Variants in INTS15 observed in about 807,000 individuals in gnomAD.
INTS15 encodes integrator complex subunit 15, also known as uncharacterized protein C7orf26.
the INTS15 span, chr7:6,591,699 C>T: frequency 1.9e-6 from 3 of 1,614,168 alleles, no homozygotes; most frequent in Non-Finnish European, 2.5e-6. Flanking sequence ...GCAATTATTT[C>T]CAGGAGCAAA....
At chr7:6,599,227 G>A in the INTS15 span, among the ~76,000 whole-genome samples, 5 of 152,184 alleles carry the variant, frequency 3.3e-5, no homozygotes, top group Non-Finnish European at 7.3e-5. Flanking sequence ...CGGGCTCATA[G>A]GAAGCCCAGA....
chr7:6,606,531 C>G, the INTS15 span, among the ~76,000 whole-genome samples: 1 of 152,048 alleles, frequency 6.6e-6, no homozygotes, highest in Non-Finnish European at 1.5e-5. Context: ...CCAGTGCAGG[C>G]GCTGCAGACA....
chr7:6,599,939 C>T, the INTS15 span: 1 of 1,614,216 alleles, frequency 6.2e-7, no homozygotes. Flanking sequence ...GGCCAATCTG[C>T]CAATAGGATT....
At chr7:6,591,938 G>C in the INTS15 span, 1 of 1,399,840 alleles carries the variant, frequency 7.1e-7, no homozygotes, top group Non-Finnish European at 1.0e-6. Context: ...TTGGGAAGCT[G>C]AGGTGGGCGG....
the INTS15 span, among the ~76,000 whole-genome samples, chr7:6,598,670 C>T: frequency 3.5e-4 from 53 of 151,456 alleles, no homozygotes; most frequent in African/African-American, 1.3e-3. Context: ...CACCAAGCCC[C>T]GCATGCACAG....
the INTS15 span, among the ~76,000 whole-genome samples, chr7:6,605,610 C>T: frequency 3.9e-5 from 6 of 152,176 alleles, no homozygotes; most frequent in Middle Eastern, 3.2e-3. Context: ...CCTCTCCTGA[C>T]GCAGATTTGG....
chr7:6,590,296 C>G, the INTS15 span: 2 of 1,571,322 alleles, frequency 1.3e-6, no homozygotes, highest in African/African-American at 2.8e-5. Flanking sequence ...GAGCGACATC[C>G]GCCACTCGCT....
chr7:6,608,049 C>G, the INTS15 span: 6 of 1,599,186 alleles, frequency 3.8e-6, no homozygotes, highest in African/African-American at 1.3e-5. Flanking sequence ...CACACGCCCC[C>G]GCTGGGCTAC....
the INTS15 span, chr7:6,607,989 T>C: frequency 1.9e-6 from 3 of 1,600,230 alleles, 1 homozygote; most frequent in Non-Finnish European, 2.5e-6. This position sits in a 1 kb window ranked among gnomAD's most constrained non-coding sequence, Gnocchi z 6.0. Context: ...TCGGGTCCCG[T>C]GCAGCAGTCG....
chr7:6,606,294 C>T, the INTS15 span, among the ~76,000 whole-genome samples: 4 of 152,256 alleles, frequency 2.6e-5, no homozygotes, highest in African/African-American at 9.6e-5. Flanking sequence ...TCAGCCCCTC[C>T]TGGGGGCCCT....
chr7:6,600,632 C>G, the INTS15 span, among the ~76,000 whole-genome samples: 4 of 152,064 alleles, frequency 2.6e-5, no homozygotes, highest in African/African-American at 7.2e-5. Flanking sequence ...CCAAGGAACC[C>G]TTTTTCTTTT....
At chr7:6,591,229 GA>G in the INTS15 span, among the ~76,000 whole-genome samples, 5 of 151,568 alleles carry the variant, frequency 3.3e-5, no homozygotes, top group Admixed American at 3.3e-4. Flanking sequence ...TACGAAGGGC[GA>G]AAAGTTCTAC....
chr7:6,590,229 C>T, the INTS15 span: 70 of 1,406,376 alleles, frequency 5.0e-5, no homozygotes, highest in Admixed American at 1.5e-4. Flanking sequence ...GGCGCAGTCC[C>T]GGGCCCCGGG....
At chr7:6,590,075 C>T in the INTS15 span, 2 of 317,286 alleles carry the variant, frequency 6.3e-6, no homozygotes, top group Non-Finnish European at 1.1e-5. Context: ...CTGGCGGCGC[C>T]GCAGTCGGAC....
At chr7:6,593,593 C>G in the INTS15 span, among the ~76,000 whole-genome samples, 1 of 151,204 alleles carries the variant, frequency 6.6e-6, no homozygotes, top group Non-Finnish European at 1.5e-5. Flanking sequence ...CTCGGCCTCC[C>G]AAAATGCTGG....
the INTS15 span, chr7:6,607,850 G>A: frequency 6.5e-7 from 1 of 1,532,722 alleles, no homozygotes; most frequent in Non-Finnish European, 8.7e-7. The surrounding 1 kb of genome is among the most constrained non-coding windows in gnomAD (Gnocchi z 6.0). Context: ...GTCCGTGCCT[G>A]TGTCGGTGCC....
the INTS15 span, chr7:6,599,855 C>A: frequency 5.6e-6 from 9 of 1,614,026 alleles, no homozygotes; most frequent in Non-Finnish European, 6.8e-6. Context: ...TATGGACTTG[C>A]TTGAAATGAT....
chr7:6,590,334 C>G, the INTS15 span: 1 of 1,597,670 alleles, frequency 6.3e-7, no homozygotes, highest in Non-Finnish European at 8.5e-7. Context: ...TGAGCGCCGC[C>G]AAGGAGGTGT....
At chr7:6,604,132 G>A in the INTS15 span, among the ~76,000 whole-genome samples, 1 of 152,190 alleles carries the variant, frequency 6.6e-6, no homozygotes, top group South Asian at 2.1e-4. Flanking sequence ...CTGGAGTGCA[G>A]TGGCACGATC....
Sources: gnomAD v4.1 joint callset for allele counts (sites outside exome capture counted in the v4.1 genomes callset) on GRCh38, gnomAD v4.1.1 for gene constraint, Gnocchi (gnomAD v3.1) non-coding constraint, MANE v1.5 for transcripts, NCBI Gene and HGNC (gene_info 2026-07-23, HGNC 2026-07-21) for gene names.